The following COL9A3 variants were observed in gnomAD, a reference collection of about 807,000 sequenced individuals.
COL9A3 encodes collagen alpha-3(IX) chain.
COL9A3 carries 82 observed loss-of-function variants against 110.2 expected under a neutral mutation model. The observed-to-expected ratio is 0.74, with a 90% CI of 0.62 to 0.89. The LOEUF (loss-of-function observed/expected upper bound fraction) is 0.89. Among genes scored for constraint, COL9A3 ranks in the 40% least tolerant of loss-of-function variants. The probability of loss-of-function intolerance (pLI) is 0.00; values close to 1 mark genes in which losing one functional copy is unlikely to be tolerated. For synonymous variants in COL9A3, 494 were observed against 403.8 expected (o/e 1.22, Z -2.68); for missense variants, 1,066 against 981.3 (o/e 1.09, Z -1.15).
intron 30 of COL9A3, among the ~76,000 whole-genome samples, chr20:62,838,236 G>A (rs538333253): frequency 1.3e-3 from 195 of 152,328 alleles, no homozygotes; most frequent in African/African-American, 4.4e-3. Flanking sequence ...TTTCACTGTG[G>A]AACATCTGAG....
intron 29 of COL9A3, chr20:62,836,759 G>A (rs988058305): frequency 3.2e-6 from 2 of 626,224 alleles, no homozygotes; most frequent in Admixed American, 5.8e-5. Flanking sequence ...CAGATTCCCA[G>A]CACGCAGCAG....
intron 4 of COL9A3, 111 bp from the exon 5 acceptor site, chr20:62,819,818 T>C: frequency 8.3e-7 from 1 of 1,211,448 alleles, no homozygotes; most frequent in South Asian, 1.2e-5. Context: ...CTAAGGGTCT[T>C]CTATGCCTCT....
At chr20:62,825,721 C>T in intron 12 of COL9A3, 96 bp from the exon 13 acceptor site, 2 of 1,290,226 alleles carry the variant, frequency 1.6e-6, no homozygotes, top group Non-Finnish European at 2.2e-6. Context: ...GGGCAACACC[C>T]CCAGCTGCTT....
intron 26 of COL9A3, among the ~76,000 whole-genome samples, chr20:62,833,732 CTG>C (rs1370307852): frequency 6.6e-6 from 1 of 151,480 alleles, no homozygotes; most frequent in African/African-American, 2.4e-5. Context: ...AAGTTTTGCT[CTG>C]TTGCCCAGGC....
Position 62,836,783 on chromosome 20 carries a change from T to C in COL9A3, c.1603+251T>C, listed in dbSNP as rs905286595. On this transcript the variant is annotated intron_variant, in intron 29 of 31. Coordinates refer to ENST00000649368, the MANE Select transcript of COL9A3 (RefSeq NM_001853.4). ...AGCACGCAGCAGACGCCCTAAAGCC[T>C]GCTGAATGCAATGGGTACAAGAACA... is the stretch of plus-strand genomic sequence containing the variant. The C allele has an allele frequency of 2.6e-5, 16 of 623,426 alleles. No individual in the cohort carries two copies. In the Admixed American group the frequency reaches 3.5e-4, roughly 14 times the overall value. The allele number at this position is 623,426 out of a possible 1,614,324, so 38.6% of individuals were successfully genotyped here.
At chr20:62,826,163 G>C in intron 13 of COL9A3, 41 bp from the exon 14 acceptor site, 1 of 1,545,322 alleles carries the variant, frequency 6.5e-7, no homozygotes, top group Non-Finnish European at 8.7e-7. Flanking sequence ...CCGGGGTGGA[G>C]GTGCAGCCCC....
At chr20:62,817,927 C>T (rs189927760) in intron 2 of COL9A3, 1 of 519,220 alleles carries the variant, frequency 1.9e-6, no homozygotes, top group Non-Finnish European at 3.7e-6. Flanking sequence ...GTTCTGGCCT[C>T]TGGCTGAAGT....
intron 26 of COL9A3, among the ~76,000 whole-genome samples, chr20:62,834,768 G>A (rs944853179): frequency 1.3e-5 from 2 of 151,954 alleles, no homozygotes; most frequent in African/African-American, 2.4e-5. Context: ...TCAGCCTCCC[G>A]AGTAGCTGGG....
intron 31 of COL9A3, among the ~76,000 whole-genome samples, chr20:62,839,230 CAA>C (rs10664760): frequency 6.9e-6 from 1 of 144,838 alleles, no homozygotes; most frequent in Non-Finnish European, 1.5e-5. Flanking sequence ...GACTCCATCT[CAA>C]AAAAAAAAAA....
rs777987802 is a variant in COL9A3, at chr20:62,821,186, T to G, written c.315T>G (p.Ser105Arg). 18 of 1,612,976 alleles carry G rather than the reference T, an allele frequency of 1.1e-5. No individual in the cohort carries two copies. In the South Asian group the frequency reaches 1.3e-4, roughly 12 times the overall value. Residue 105 changes from serine to arginine, a missense_variant, in exon 6 of 32, where the codon AGT (serine) becomes AGG (arginine). Transcript: ENST00000649368. ...GPKGAPGERG[S>R]LGPPGPPGLG... ...CGCCTGCTTTCCTCCCACAGGGAAG[T>G]CTGGGACCCCCGGGGCCGCCCGGGC...
chr20:62,822,223 A>T (rs2734543), intron 9 of COL9A3, 59 bp downstream of exon 9: 1 of 959,646 alleles, frequency 1.0e-6, no homozygotes, highest in African/African-American at 1.6e-5. Flanking sequence ...ACTGGGTTGG[A>T]CCCTCCCCAT....
rs1441150721 is a variant in COL9A3, at chr20:62,836,461, T to C, written c.1549-17T>C. On this transcript the variant is annotated splice_polypyrimidine_tract_variant and intron_variant, in intron 28 of 31. Coordinates refer to ENST00000649368, the MANE Select transcript of COL9A3 (RefSeq NM_001853.4). ...GCTGCCGCCCCCATGCTGACGAATGTGTGGGGTGAATTCCAGGGGAAGGAG... is the reference window on the plus strand; with the variant it reads ...GCTGCCGCCCCCATGCTGACGAATGCGTGGGGTGAATTCCAGGGGAAGGAG... 2 of 1,613,590 alleles carry C rather than the reference T, an allele frequency of 1.2e-6. No individual in the cohort carries two copies.
chr20:62,836,605 G>C (rs955547125), intron 29 of COL9A3, 73 bp downstream of exon 29: 1 of 1,465,356 alleles, frequency 6.8e-7, no homozygotes, highest in South Asian at 1.3e-5. Flanking sequence ...GGGCTACACA[G>C]AAAGCCTTCG....
chr20:62,819,252 A>C lies in COL9A3; in HGVS notation c.214A>C (p.Lys72Gln). 11 of 1,612,666 alleles carry C rather than the reference A, an allele frequency of 6.8e-6. No individual in the cohort carries two copies. Among genetic ancestry groups the C allele is most frequent in the Non-Finnish European group, 9.3e-6 (11 of 1,179,956 alleles). Residue 72 changes from lysine to glutamine, a missense_variant, in exon 4 of 32, where the codon AAA becomes CAA. Coordinates refer to ENST00000649368, the MANE Select transcript of COL9A3 (RefSeq NM_001853.4). Reference protein sequence around the residue: ...GPKGAPGKPGKPGEAGLPGLP... With the variant: ...GPKGAPGKPGQPGEAGLPGLP... ...AAAGGGGGCCCCAGGAAAGCCGGGG[A>C]AACCAGGAGAGGCTGGGCTGCCGGG...
chr20:62,820,054 T>C, intron 5 of COL9A3, 72 bp downstream of exon 5: 1 of 1,539,682 alleles, frequency 6.5e-7, no homozygotes. Flanking sequence ...GGCTGCTCTG[T>C]GTCCACAAGG....
At chr20:62,825,055 G>T in intron 12 of COL9A3, 34 bp downstream of exon 12, 3 of 1,588,488 alleles carry the variant, frequency 1.9e-6, no homozygotes, top group Non-Finnish European at 1.7e-6. Flanking sequence ...GGGAGGAGCT[G>T]GGGACTGGAG....
At chr20:62,833,177 G>C (rs975378309) in intron 26 of COL9A3, 113 bp downstream of exon 26, 2 of 895,744 alleles carry the variant, frequency 2.2e-6, no homozygotes, top group Non-Finnish European at 3.7e-6. Flanking sequence ...GTGGAAGATC[G>C]GCAGCTCTGC....
At chr20:62,836,959 T>C (rs1276967490) in intron 29 of COL9A3, 124 bp from the exon 30 acceptor site, 5 of 1,270,146 alleles carry the variant, frequency 3.9e-6, no homozygotes, top group Non-Finnish European at 5.7e-6. Context: ...TAAACCATTT[T>C]CCATCAATCA....
At chr20:62,834,163 C>T (rs562088908) in intron 26 of COL9A3, among the ~76,000 whole-genome samples, 5 of 152,320 alleles carry the variant, frequency 3.3e-5, no homozygotes, top group African/African-American at 9.6e-5. Flanking sequence ...TACGAGCCAC[C>T]GCCCCTGGCC....
Sources: allele counts gnomAD v4.1 joint callset (sites outside exome capture counted in the v4.1 genomes callset), GRCh38; gene constraint gnomAD v4.1.1; transcripts MANE v1.5; gene names NCBI Gene and HGNC (gene_info 2026-07-23, HGNC 2026-07-21).